HS6ST3: variants seen among roughly 807,000 people sequenced by gnomAD.
The protein encoded by HS6ST3 is heparan sulfate 6-O-sulfotransferase 3.
HS6ST3 carries 12 observed loss-of-function variants against 36.7 expected under a neutral mutation model. The ratio of observed to expected loss-of-function variants is 0.33; its 90% CI spans 0.21 to 0.53. The LOEUF (loss-of-function observed/expected upper bound fraction) is 0.53, where lower values mean the gene tolerates loss of function less well. Ranked by LOEUF, HS6ST3 falls within the 20% of genes least tolerant of loss-of-function variation. HS6ST3 has a pLI of 0.95. For missense variants in HS6ST3, 584 were observed against 640.9 expected (o/e 0.91, Z 0.96); for synonymous variants, 240 against 257.5 (o/e 0.93, Z 0.65).
At chr13:96,698,976 C>G (rs1594839325) in intron 1 of HS6ST3, among the ~76,000 whole-genome samples, 1 of 152,044 alleles carries the variant, frequency 6.6e-6, no homozygotes, top group African/African-American at 2.4e-5. Flanking sequence ...CTTTGACAAA[C>G]CTGACAAAAA....
At chr13:96,780,745 G>A (rs1296956237) in intron 1 of HS6ST3, among the ~76,000 whole-genome samples, 1 of 152,064 alleles carries the variant, frequency 6.6e-6, no homozygotes, top group African/African-American at 2.4e-5. Flanking sequence ...CTTCTTATAT[G>A]TGTATAGCAG....
At chr13:96,421,392 C>G (rs2055561428) in intron 1 of HS6ST3, among the ~76,000 whole-genome samples, 1 of 152,158 alleles carries the variant, frequency 6.6e-6, no homozygotes, top group South Asian at 2.1e-4. Flanking sequence ...ATCTGCAGTG[C>G]TTTACAATCT....
chr13:96,695,278 C>T (rs1274798789), intron 1 of HS6ST3, among the ~76,000 whole-genome samples: 3 of 152,104 alleles, frequency 2.0e-5, no homozygotes, highest in Non-Finnish European at 4.4e-5. Flanking sequence ...TAATTCTACC[C>T]TTTGTGATGG....
chr13:96,256,235 A>C (rs950680047), intron 1 of HS6ST3, among the ~76,000 whole-genome samples: 2 of 152,206 alleles, frequency 1.3e-5, no homozygotes, highest in African/African-American at 2.4e-5. Flanking sequence ...TTCACCATAT[A>C]ATAAGTGACA....
intron 1 of HS6ST3, among the ~76,000 whole-genome samples, chr13:96,800,342 A>G (rs190844549): frequency 2.6e-5 from 4 of 151,756 alleles, no homozygotes; most frequent in African/African-American, 9.7e-5. Context: ...TATTTGTACA[A>G]CGATTAGAGA....
chr13:96,240,260 G>T (rs1488909201), intron 1 of HS6ST3, among the ~76,000 whole-genome samples: 1 of 152,124 alleles, frequency 6.6e-6, no homozygotes, highest in Non-Finnish European at 1.5e-5. Context: ...TAGACAGGTT[G>T]CTCCAGTGAC....
intron 1 of HS6ST3, among the ~76,000 whole-genome samples, chr13:96,330,788 G>C (rs1450239417): frequency 1.3e-5 from 2 of 150,852 alleles, no homozygotes; most frequent in Admixed American, 6.6e-5. Context: ...TTTCCAACTT[G>C]GTTCCATTCT....
At chr13:96,518,264 T>G (rs1240303757) in intron 1 of HS6ST3, among the ~76,000 whole-genome samples, 1 of 152,228 alleles carries the variant, frequency 6.6e-6, no homozygotes, top group Non-Finnish European at 1.5e-5. Context: ...TCTTTCTGAT[T>G]AATACAAATG....
At chr13:96,125,763 CA>C (rs1053459323) in intron 1 of HS6ST3, among the ~76,000 whole-genome samples, 245 of 150,940 alleles carry the variant, frequency 1.6e-3, no homozygotes, top group African/African-American at 5.0e-3. Flanking sequence ...TTTTTTCTTC[CA>C]TTTTTTTATT....
intron 1 of HS6ST3, among the ~76,000 whole-genome samples, chr13:96,228,231 T>G (rs928895910): frequency 6.6e-6 from 1 of 152,198 alleles, no homozygotes; most frequent in African/African-American, 2.4e-5. Context: ...TATCAAAATT[T>G]GACATTTCAT....
intron 1 of HS6ST3, among the ~76,000 whole-genome samples, chr13:96,667,512 T>A (rs1215347714): frequency 6.6e-6 from 1 of 152,174 alleles, no homozygotes; most frequent in African/African-American, 2.4e-5. Context: ...TCCATCTCCA[T>A]CTGCCCCTCC....
chr13:96,608,515 G>T (rs780828968), intron 1 of HS6ST3, among the ~76,000 whole-genome samples: 10 of 152,180 alleles, frequency 6.6e-5, no homozygotes, highest in Non-Finnish European at 1.5e-4. Context: ...AGGCTATTGA[G>T]AGGACAAAGG....
chr13:96,153,518 T>C (rs1420802227), intron 1 of HS6ST3, among the ~76,000 whole-genome samples: 1 of 152,128 alleles, frequency 6.6e-6, no homozygotes, highest in African/African-American at 2.4e-5. Flanking sequence ...ATGTGAAAGG[T>C]TAGGTTGTAG....
intron 1 of HS6ST3, among the ~76,000 whole-genome samples, chr13:96,164,805 A>T (rs1040913839): frequency 2.0e-5 from 3 of 152,154 alleles, no homozygotes; most frequent in Admixed American, 6.5e-5. Context: ...ATGTATTTCT[A>T]ATTAGGATGA....
intron 1 of HS6ST3, among the ~76,000 whole-genome samples, chr13:96,773,265 CAGG>C (rs1327967727): frequency 9.9e-5 from 15 of 152,138 alleles, no homozygotes; most frequent in Non-Finnish European, 1.9e-4. Flanking sequence ...AAGCTAGCTG[CAGG>C]AGTTTATTTT....
intron 1 of HS6ST3, among the ~76,000 whole-genome samples, chr13:96,671,361 G>T (rs1460790714): frequency 6.6e-6 from 1 of 152,106 alleles, no homozygotes. Context: ...GTGATTGAGA[G>T]TGGCAATTCC....
chr13:96,214,248 C>T (rs373035863), intron 1 of HS6ST3, among the ~76,000 whole-genome samples: 1 of 152,164 alleles, frequency 6.6e-6, no homozygotes, highest in Admixed American at 6.5e-5. Context: ...GATTTGTAAT[C>T]TCCATAATCC....
chr13:96,483,789 G>A (rs1370799727), intron 1 of HS6ST3, among the ~76,000 whole-genome samples: 2 of 152,130 alleles, frequency 1.3e-5, no homozygotes, highest in Non-Finnish European at 2.9e-5. Flanking sequence ...ATTATGGTTA[G>A]TGTTCAGAAT....
chr13:96,482,110 A>T (rs571113926), intron 1 of HS6ST3, among the ~76,000 whole-genome samples: 17 of 152,326 alleles, frequency 1.1e-4, no homozygotes, highest in African/African-American at 4.1e-4. Context: ...GCTTATCCTC[A>T]GGTATGTTAT....
Sources: gnomAD v4.1 joint callset for allele counts (sites outside exome capture counted in the v4.1 genomes callset) on GRCh38, gnomAD v4.1.1 for gene constraint, MANE v1.5 for transcripts, NCBI Gene and HGNC (gene_info 2026-07-23, HGNC 2026-07-21) for gene names.